IFT43: variants seen among roughly 807,000 people sequenced by gnomAD.
IFT43 encodes the protein intraflagellar transport 43.
In IFT43, 33 loss-of-function variants were observed where a neutral mutation model predicts 32.3. The ratio of observed to expected loss-of-function variants is 1.02; its 90% CI spans 0.77 to 1.37. The LOEUF (loss-of-function observed/expected upper bound fraction) is 1.37. Ranked by LOEUF, IFT43 falls within the 40% of genes most tolerant of loss-of-function variation. The probability of loss-of-function intolerance (pLI) is 0.00; values close to 1 mark genes in which losing one functional copy is unlikely to be tolerated. For synonymous variants in IFT43, 93 were observed against 98.2 expected (o/e 0.95, Z 0.31); for missense variants, 274 against 265.9 (o/e 1.03, Z -0.21).
intron 5 of IFT43, chr14:76,076,766 G>C: frequency 6.6e-7 from 1 of 1,516,330 alleles, no homozygotes; most frequent in South Asian, 1.2e-5. Flanking sequence ...TAGCATTTTA[G>C]TGTGCGCATG....
At chr14:76,006,842 G>T (rs1217582177) in intron 2 of IFT43, among the ~76,000 whole-genome samples, 2 of 150,562 alleles carry the variant, frequency 1.3e-5, no homozygotes, top group Non-Finnish European at 3.0e-5. Context: ...TATTTTTTAG[G>T]ATTACTGGGG....
chr14:76,083,591 G>A lies in IFT43; in HGVS notation c.*14G>A, dbSNP rs780115183. Reference sequence around the variant, plus strand: ...AGGCACACCTGAGCCCGTCACCCATGCTCTAGACATGAAGAAATGCAATGA... The same window carrying A: ...AGGCACACCTGAGCCCGTCACCCATACTCTAGACATGAAGAAATGCAATGA... On this transcript the variant is annotated 3_prime_UTR_variant, in exon 9 of 9. Transcript: ENST00000314067. The A allele has an allele frequency of 6.2e-7, 1 of 1,613,344 alleles. No homozygotes were observed. The highest frequency in any genetic ancestry group is 1.3e-5 in the African/African-American group (1 of 74,918).
rs1491209858 is a variant in IFT43, at chr14:75,988,995, A to AT, written c.147+18_147+19insT. 1 of 1,612,900 alleles carries AT rather than the reference A, an allele frequency of 6.2e-7. No individual in the cohort carries two copies. The highest frequency in any genetic ancestry group is 8.5e-7 in the Non-Finnish European group (1 of 1,179,446). On this transcript the variant is annotated intron_variant, in intron 2 of 8. Transcript: ENST00000314067. The stretch of plus-strand genomic sequence containing the variant: ...CTGGAGAGGTGGGTGCTAAAAAAAA[A>AT]GAAAATCTGAAGAAATACTGTTTAA...
At chr14:76,074,541 C>T (rs896741346) in intron 5 of IFT43, among the ~76,000 whole-genome samples, 4 of 152,204 alleles carry the variant, frequency 2.6e-5, no homozygotes, top group Non-Finnish European at 5.9e-5. Flanking sequence ...ATAGAGAGTC[C>T]TCTCAGGGCA....
At chr14:76,056,941 C>T (rs934615214) in intron 3 of IFT43, among the ~76,000 whole-genome samples, 2 of 152,178 alleles carry the variant, frequency 1.3e-5, no homozygotes, top group Non-Finnish European at 2.9e-5. Flanking sequence ...GGGCACCCTG[C>T]AGTGGTTTCT....
At chr14:76,024,307 G>A (rs556189505) in intron 3 of IFT43, among the ~76,000 whole-genome samples, 6 of 152,124 alleles carry the variant, frequency 3.9e-5, no homozygotes, top group Non-Finnish European at 7.3e-5. Flanking sequence ...ATACTCTCTC[G>A]CATTTCTTCC....
At chr14:76,042,257 TAAAA>T (rs531108883) in intron 3 of IFT43, among the ~76,000 whole-genome samples, 1 of 131,942 alleles carries the variant, frequency 7.6e-6, no homozygotes, top group African/African-American at 2.8e-5. Context: ...AACTGAAGAG[TAAAA>T]AAAAAAAAAA....
chr14:75,988,996 G>A lies in IFT43; in HGVS notation c.147+19G>A, dbSNP rs770751724. 6.2e-6 allele frequency: 10 copies of A among 1,611,646 alleles called. No individual in the cohort carries two copies. The highest frequency in any genetic ancestry group is 8.5e-6 in the Non-Finnish European group (10 of 1,178,426). ...TGGAGAGGTGGGTGCTAAAAAAAAA[G>A]AAAATCTGAAGAAATACTGTTTAAG... On this transcript the variant is annotated intron_variant, in intron 2 of 8. Transcript: ENST00000314067.
At chr14:76,066,440 C>T (rs576370972) in intron 5 of IFT43, among the ~76,000 whole-genome samples, 3 of 152,216 alleles carry the variant, frequency 2.0e-5, no homozygotes, top group Admixed American at 1.3e-4. Context: ...ACACTTCACA[C>T]TCGACTTAGT....
chr14:76,069,609 G>A (rs1479488317), intron 5 of IFT43, among the ~76,000 whole-genome samples: 1 of 152,136 alleles, frequency 6.6e-6, no homozygotes, highest in Non-Finnish European at 1.5e-5. Flanking sequence ...ATGTTCAGGT[G>A]GAATAATCTC....
intron 7 of IFT43, 25 bp downstream of exon 7, chr14:76,082,717 A>G: frequency 1.3e-6 from 2 of 1,510,446 alleles, no homozygotes; most frequent in Non-Finnish European, 1.8e-6. Flanking sequence ...TTCTGCATAG[A>G]GAGGCGGGCT....
intron 2 of IFT43, among the ~76,000 whole-genome samples, chr14:75,996,188 A>G (rs1016052802): frequency 2.6e-5 from 4 of 152,236 alleles, no homozygotes; most frequent in African/African-American, 9.6e-5. Context: ...TCAAGAGCTT[A>G]GCCCAGTGCA....
intron 3 of IFT43, among the ~76,000 whole-genome samples, chr14:76,035,969 A>T (rs934510164): frequency 6.6e-6 from 1 of 152,242 alleles, no homozygotes; most frequent in Non-Finnish European, 1.5e-5. Context: ...AAGGGCACAC[A>T]GTTATTTAGT....
rs371830226 is a variant in IFT43 at position 76,049,391 on chromosome 14, G to A, written c.216-9251G>A. Among the ~76,000 whole-genome samples, 7 of 151,376 alleles carry A rather than the reference G, an allele frequency of 4.6e-5. No individual in the cohort carries two copies. In the East Asian group the frequency reaches 7.7e-4, roughly 17 times the overall value. Reference sequence around the variant, plus strand: ...CCTTTTAATACAAAATAGGCCGTACGCTCTTGGATTTTTGACAAACAGCAA... The same window carrying A: ...CCTTTTAATACAAAATAGGCCGTACACTCTTGGATTTTTGACAAACAGCAA... On this transcript the variant is annotated intron_variant, in intron 3 of 8. Coordinates refer to ENST00000314067, the MANE Select transcript of IFT43 (RefSeq NM_001102564.3).
intron 3 of IFT43, among the ~76,000 whole-genome samples, chr14:76,049,045 C>G (rs959634167): frequency 6.6e-6 from 1 of 152,144 alleles, no homozygotes; most frequent in African/African-American, 2.4e-5. Context: ...ACAGGTTTCC[C>G]CATTATAGAG....
At chr14:76,054,712 A>G (rs149062355) in intron 3 of IFT43, among the ~76,000 whole-genome samples, 8 of 152,338 alleles carry the variant, frequency 5.3e-5, no homozygotes, top group African/African-American at 1.7e-4. Flanking sequence ...TTTTGGGGAA[A>G]AAGGCACAGG....
chr14:75,999,189 T>TTA (rs1357990316), intron 2 of IFT43, among the ~76,000 whole-genome samples: 14 of 104,864 alleles, frequency 1.3e-4, no homozygotes, highest in Middle Eastern at 4.6e-3. Context: ...ATTCATTCAT[T>TTA]TATATATATA....
intron 5 of IFT43, among the ~76,000 whole-genome samples, chr14:76,066,638 C>T (rs1335451282): frequency 1.3e-5 from 2 of 152,178 alleles, no homozygotes; most frequent in African/African-American, 2.4e-5. Flanking sequence ...CATCCATGGA[C>T]GTCCATTCAG....
intron 2 of IFT43, among the ~76,000 whole-genome samples, chr14:76,000,226 A>G (rs1256468382): frequency 2.9e-5 from 4 of 138,040 alleles, no homozygotes; most frequent in Non-Finnish European, 6.4e-5. Context: ...TGATATTTAT[A>G]TTTTTCTTAG....
Sources: gnomAD v4.1 joint callset for allele counts (sites outside exome capture counted in the v4.1 genomes callset) on GRCh38, gnomAD v4.1.1 for gene constraint, MANE v1.5 for transcripts, NCBI Gene and HGNC (gene_info 2026-07-23, HGNC 2026-07-21) for gene names.